Variants in ROBO2 observed in about 807,000 individuals in gnomAD.
ROBO2 encodes the protein roundabout guidance receptor 2, also known as roundabout homolog 2.
In ROBO2, 53 loss-of-function variants were observed where a neutral mutation model predicts 160.8. That is an observed-to-expected ratio of 0.33 (90% CI 0.26 to 0.41). The LOEUF (loss-of-function observed/expected upper bound fraction) is 0.41. Ranked by LOEUF, ROBO2 falls within the 10% of genes least tolerant of loss-of-function variation. The pLI, the probability that ROBO2 is intolerant of heterozygous loss-of-function variation, is 1.00. For missense variants in ROBO2, 1,577 were observed against 1,722.4 expected (o/e 0.92, Z 1.49); for synonymous variants, 664 against 611.7 (o/e 1.09, Z -1.26).
intron 2 of ROBO2, among the ~76,000 whole-genome samples, chr3:76,756,149 GA>G (rs895029290): frequency 6.6e-6 from 1 of 151,694 alleles, no homozygotes; most frequent in African/African-American, 2.4e-5. Context: ...CCAGGCTCAA[GA>G]AAAAACTCTT....
intron 6 of ROBO2, among the ~76,000 whole-genome samples, chr3:77,533,716 A>G (rs1559557943): frequency 6.6e-6 from 1 of 152,124 alleles, no homozygotes; most frequent in Non-Finnish European, 1.5e-5. Context: ...AAAGATCCAG[A>G]GTATTAAGTA....
chr3:76,218,814 T>C (rs1332850788), intron 2 of ROBO2, among the ~76,000 whole-genome samples: 2 of 152,166 alleles, frequency 1.3e-5, no homozygotes, highest in Admixed American at 1.3e-4. Context: ...AAAAAACTAC[T>C]TGAAAGTTCA....
At chr3:77,378,522 A>T (rs971091928) in intron 2 of ROBO2, among the ~76,000 whole-genome samples, 1 of 152,328 alleles carries the variant, frequency 6.6e-6, no homozygotes, top group East Asian at 1.9e-4. Context: ...GACTTCTCAG[A>T]GGAAACTCTA....
intron 2 of ROBO2, among the ~76,000 whole-genome samples, chr3:76,630,006 G>A (rs184657122): frequency 1.3e-3 from 192 of 152,204 alleles, no homozygotes; most frequent in Middle Eastern, 3.4e-3. Flanking sequence ...GGTGGCACCC[G>A]TTCCCTGAGT....
chr3:76,192,524 CCACACACACACACACACACACACACACA>C (rs3039244), intron 2 of ROBO2, among the ~76,000 whole-genome samples: 1 of 130,082 alleles, frequency 7.7e-6, no homozygotes, highest in Non-Finnish European at 1.6e-5. Flanking sequence ...CAACACTCCA[CCACACACACACACACACACACACACACA>C]CACACACACA....
At chr3:76,754,707 C>T (rs1484746047) in intron 2 of ROBO2, among the ~76,000 whole-genome samples, 2 of 151,804 alleles carry the variant, frequency 1.3e-5, no homozygotes, top group Admixed American at 6.6e-5. Context: ...GCATAGACGC[C>T]TCAAGGTTAT....
At chr3:76,657,471 T>C (rs543155421) in intron 2 of ROBO2, among the ~76,000 whole-genome samples, 413 of 145,054 alleles carry the variant, frequency 2.8e-3, no homozygotes, top group African/African-American at 0.01. Context: ...ATTGGCCAGC[T>C]GCGGTGGCTC....
At chr3:76,443,699 T>C (rs1431717624) in intron 2 of ROBO2, among the ~76,000 whole-genome samples, 1 of 152,126 alleles carries the variant, frequency 6.6e-6, no homozygotes, top group Non-Finnish European at 1.5e-5. Flanking sequence ...TGCAACAGAA[T>C]CATCTGAGTT....
intron 2 of ROBO2, among the ~76,000 whole-genome samples, chr3:77,333,431 G>A (rs1202393484): frequency 1.3e-5 from 2 of 152,162 alleles, no homozygotes; most frequent in African/African-American, 2.4e-5. Context: ...CAGAATGCAA[G>A]TATAGAAGCT....
At chr3:77,634,904 T>A (rs1302184517) in exon 24 of ROBO2, 2 of 1,614,110 alleles carry the variant, frequency 1.2e-6, no homozygotes, top group Admixed American at 3.3e-5. Context: ...GACCTCGACC[T>A]ACCAGCCCAT....
At chr3:76,929,246 C>T (rs947569508) in intron 2 of ROBO2, among the ~76,000 whole-genome samples, 20 of 152,046 alleles carry the variant, frequency 1.3e-4, no homozygotes, top group Admixed American at 1.0e-3. Context: ...CATGATGGAG[C>T]GAGACTCCAT....
At chr3:77,205,497 T>C (rs1159649601) in intron 2 of ROBO2, among the ~76,000 whole-genome samples, 1 of 151,936 alleles carries the variant, frequency 6.6e-6, no homozygotes, top group African/African-American at 2.4e-5. Flanking sequence ...GTTGGGAGTT[T>C]ATGTGGGTAC....
chr3:76,535,125 G>A (rs564404488), intron 2 of ROBO2, among the ~76,000 whole-genome samples: 1 of 152,094 alleles, frequency 6.6e-6, no homozygotes, highest in South Asian at 2.1e-4. Context: ...GGTAAAGAAG[G>A]CTTCTTTGAC....
chr3:77,404,947 C>A (rs2153515635), intron 2 of ROBO2, among the ~76,000 whole-genome samples: 1 of 152,226 alleles, frequency 6.6e-6, no homozygotes, highest in Non-Finnish European at 1.5e-5. Flanking sequence ...CTAATACTCT[C>A]CCCAACTGAT....
intron 2 of ROBO2, among the ~76,000 whole-genome samples, chr3:76,696,843 T>G (rs868699447): frequency 1.3e-5 from 2 of 152,228 alleles, no homozygotes; most frequent in Non-Finnish European, 2.9e-5. Context: ...CAATTCTTAT[T>G]GCCTTTCTTC....
At chr3:77,592,524 A>G (rs1024128598) in intron 17 of ROBO2, among the ~76,000 whole-genome samples, 3 of 152,036 alleles carry the variant, frequency 2.0e-5, no homozygotes, top group Non-Finnish European at 4.4e-5. Flanking sequence ...ATTAACTTTA[A>G]TGCATTATGT....
chr3:76,949,953 C>T (rs2078860067), intron 2 of ROBO2, among the ~76,000 whole-genome samples: 1 of 152,214 alleles, frequency 6.6e-6, no homozygotes, highest in Non-Finnish European at 1.5e-5. Context: ...AGATACATCT[C>T]ATAAACCATC....
intron 17 of ROBO2, 149 bp from the exon 19 acceptor site, chr3:77,594,993 T>TTAC (rs1227159825): frequency 1.1e-5 from 7 of 617,270 alleles, no homozygotes; most frequent in African/African-American, 1.1e-4. Flanking sequence ...CCACTGCTTG[T>TTAC]TACTCTCTGT....
At chr3:76,860,762 A>G (rs1253676646) in intron 2 of ROBO2, among the ~76,000 whole-genome samples, 1 of 148,804 alleles carries the variant, frequency 6.7e-6, no homozygotes, top group Non-Finnish European at 1.5e-5. Flanking sequence ...AAGATTTAAC[A>G]ACAAACAAAA....
Sources: allele counts gnomAD v4.1 joint callset (sites outside exome capture counted in the v4.1 genomes callset), GRCh38; gene constraint gnomAD v4.1.1; transcripts MANE v1.5; gene names NCBI Gene and HGNC (gene_info 2026-07-23, HGNC 2026-07-21).